FN1: variants seen among roughly 807,000 people sequenced by gnomAD.
FN1 encodes fibronectin 1.
FN1 carries 106 observed loss-of-function variants against 297.3 expected under a neutral mutation model. That is an observed-to-expected ratio of 0.36 (90% CI 0.30 to 0.42). The LOEUF is 0.42. Ranked by LOEUF, FN1 falls within the 10% of genes least tolerant of loss-of-function variation. The probability of loss-of-function intolerance (pLI) is 1.00; values close to 1 mark genes in which losing one functional copy is unlikely to be tolerated. For synonymous variants in FN1, 1,149 were observed against 1,152.6 expected (o/e 1.00, Z 0.06); for missense variants, 2,690 against 3,124.9 (o/e 0.86, Z 3.32).
rs2060503647 is a variant in FN1, at chr2:215,397,956, GCA to G, written c.3349-110_3349-109del. ...AAATAGTGTAAACTCTTCAGAAACT[GCA>G]CAGTGTACTTTTATTGGGAAATGAT... On this transcript the variant is annotated intron_variant, in intron 21 of 45. Transcript: ENST00000354785. The G allele has an allele frequency of 6.3e-6, 6 of 945,242 alleles. No homozygotes were observed. In the South Asian group the frequency reaches 6.7e-5, roughly 11 times the overall value. 58.6% of individuals were successfully genotyped at this position (945,242 alleles called of 1,614,324 possible).
chr2:215,391,621 C>G lies in FN1; in HGVS notation c.4252+11G>C, dbSNP rs10498038. 82,177 of 1,606,112 alleles carry G rather than the reference C, an allele frequency of 0.051. 2,490 individuals are homozygous for G. Among genetic ancestry groups the G allele is most frequent in the Non-Finnish European group, 0.061 (72,035 of 1,172,734 alleles). ...TTAATATTTATGGAACAGATACATT[C>G]AACTGCTTACTTGTTAAGACCACTG... On this transcript the variant is annotated intron_variant, in intron 26 of 45. Transcript: ENST00000354785.
At chr2:215,383,606 C>T (rs1575405297) in intron 30 of FN1, 123 bp from the exon 31 acceptor site, 1 of 1,051,004 alleles carries the variant, frequency 9.5e-7, no homozygotes, top group Admixed American at 1.8e-5. Context: ...GGTATTTCTT[C>T]TCGAAAGAAT....
At chr2:215,411,328 G>A (rs2062591689) in intron 13 of FN1, among the ~76,000 whole-genome samples, 1 of 152,140 alleles carries the variant, frequency 6.6e-6, no homozygotes, top group Non-Finnish European at 1.5e-5. Flanking sequence ...TGTGCCCAGT[G>A]ATTTTTAAAA....
chr2:215,395,454 G>A (rs975921122), intron 23 of FN1, among the ~76,000 whole-genome samples: 3 of 151,662 alleles, frequency 2.0e-5, no homozygotes, highest in Non-Finnish European at 4.4e-5. Context: ...CACGAGAATC[G>A]CTTGAGCCCA....
chr2:215,428,164 T>C lies in FN1; in HGVS notation c.844+16A>G. 1 of 1,613,730 alleles carries C rather than the reference T, an allele frequency of 6.2e-7. No individual in the cohort carries two copies. The highest frequency in any genetic ancestry group is 1.1e-5 in the South Asian group (1 of 91,066). ...CTGCTTCCCCATTTCCCGCCCCTGC[T>C]CGTCCTGTGCCTCACCGCTCGATGT... On this transcript the variant is annotated intron_variant, in intron 6 of 45. Transcript: ENST00000354785.
intron 26 of FN1, 148 bp downstream of exon 26, chr2:215,391,481 CAAA>C: frequency 1.5e-6 from 1 of 682,970 alleles, no homozygotes; most frequent in Non-Finnish European, 2.6e-6. Flanking sequence ...TTACATCTTT[CAAA>C]ATTAATGGAG....
At chr2:215,412,760 C>CTTTTTGTTTTT (rs2062845613) in intron 13 of FN1, among the ~76,000 whole-genome samples, 1 of 97,570 alleles carries the variant, frequency 1.0e-5, no homozygotes, top group African/African-American at 4.3e-5. Context: ...TATTAAGTAT[C>CTTTTTGTTTTT]TTTTTTTTTT....
At chr2:215,383,884 G>C in intron 30 of FN1, 136 bp downstream of exon 30, 1 of 933,880 alleles carries the variant, frequency 1.1e-6, no homozygotes, top group Non-Finnish European at 1.7e-6. Context: ...TCTGTTCGCT[G>C]CAGGTGCTAG....
intron 40 of FN1, among the ~76,000 whole-genome samples, chr2:215,371,218 A>G (rs1013608519): frequency 3.3e-5 from 5 of 152,012 alleles, no homozygotes; most frequent in African/African-American, 1.2e-4. Flanking sequence ...CAGTGAGCCG[A>G]GATCACGCCA....
rs754529427 is a variant in FN1, at chr2:215,376,570, C to T, written c.5815G>A (p.Ala1939Thr). Reference sequence around the variant, plus strand: ...GGAGTCTGGCCATTGGCTGGAACGGCATCAACTTGGAAGCCAGTGATCGTC... The same window carrying T: ...GGAGTCTGGCCATTGGCTGGAACGGTATCAACTTGGAAGCCAGTGATCGTC... Reference protein sequence around the residue: ...TETITGFQVDAVPANGQTPIQ... With the variant: ...TETITGFQVDTVPANGQTPIQ... The change falls in exon 36 of 46, where the codon GCC becomes ACC. Residue 1939 changes from alanine to threonine, a missense_variant. By Grantham distance (58) the Ala-to-Thr change is moderately conservative. Transcript: ENST00000354785. 2 of 1,613,904 alleles carry T rather than the reference C, an allele frequency of 1.2e-6. No individual in the cohort carries two copies. Among genetic ancestry groups the T allele is most frequent in the South Asian group, 2.2e-5 (2 of 91,072 alleles).
intron 24 of FN1, chr2:215,393,853 C>T (rs1395100093): frequency 6.5e-6 from 1 of 153,756 alleles, no homozygotes; most frequent in Non-Finnish European, 1.4e-5. Context: ...TAAAAGCATT[C>T]TACTGAAGAG....
Position 215,388,253 on chromosome 2 carries a change from T to A in FN1, c.4301A>T (p.Glu1434Val), listed in dbSNP as rs1464139605. Reference sequence around the variant, plus strand: ...TCTAAGAGGTGTGCTCTCATGTTGTTCGTAGACACTGGAGACACTCACTAC... The same window carrying A: ...TCTAAGAGGTGTGCTCTCATGTTGTACGTAGACACTGGAGACACTCACTAC... ...EYVVSVSSVY[E>V]QHESTPLRGR... Residue 1434 changes from glutamate to valine, a missense_variant, in exon 27 of 46, where the codon GAA (glutamate) becomes GTA (valine). Around this residue, in one of 3 missense-constraint regions of FN1, gnomAD observed 1,743 missense variants for 1,945.2 expected, o/e 0.90. Transcript: ENST00000354785. The A allele has an allele frequency of 1.2e-6, 2 of 1,614,084 alleles. No individual in the cohort carries two copies.
chr2:215,375,112 G>A (rs934809109), intron 38 of FN1, 102 bp downstream of exon 38: 9 of 1,181,082 alleles, frequency 7.6e-6, no homozygotes, highest in African/African-American at 3.0e-5. Context: ...ACAGAGTTTC[G>A]CATTCTCATG....
intron 34 of FN1, among the ~76,000 whole-genome samples, 182 bp downstream of exon 34, chr2:215,378,948 T>G (rs574534187): frequency 3.9e-5 from 6 of 152,282 alleles, no homozygotes; most frequent in African/African-American, 1.2e-4. Context: ...TCTGTCCCAA[T>G]AGTCATCTGG....
At position 215,373,401 on chromosome 2, in the gene FN1, C is replaced by T. The variant is rs142087146; in HGVS notation, c.6168G>A (p.Pro2056=). The T allele has an allele frequency of 1.7e-4, 275 of 1,612,396 alleles. No homozygotes were observed. The highest frequency in any genetic ancestry group is 2.1e-4 in the Non-Finnish European group (249 of 1,178,936). The change falls in exon 39 of 46, where the codon CCG becomes CCA. Residue 2056 remains proline (P), a synonymous_variant. Coordinates refer to ENST00000354785, the MANE Select transcript of FN1 (RefSeq NM_212482.4). ...VTEATITGLE[P]GTEYTIYVIA... is the part of the protein sequence containing the mutation. ...TGACATAAATTGTATATTCGGTTCC[C>T]GGTTCCAGGCCTGAAGGGAGAATAG...
At chr2:215,426,143 C>CTT (rs58002948) in intron 6 of FN1, among the ~76,000 whole-genome samples, 10 of 101,074 alleles carry the variant, frequency 9.9e-5, no homozygotes, top group African/African-American at 1.4e-4. Flanking sequence ...TTTCTTTTTT[C>CTT]TTTTTTTTTT....
chr2:215,396,230 A>C (rs1425350690), intron 23 of FN1, among the ~76,000 whole-genome samples: 2 of 152,220 alleles, frequency 1.3e-5, no homozygotes, highest in African/African-American at 4.8e-5. Context: ...CAAGTATATG[A>C]GGTAAGAATG....
intron 33 of FN1, chr2:215,380,295 G>T (rs1421789053): frequency 6.0e-6 from 1 of 167,708 alleles, no homozygotes; most frequent in Non-Finnish European, 1.3e-5. Context: ...AGAAGATAAA[G>T]TATTATGGAA....
chr2:215,377,780 A>C (rs2057569864), intron 35 of FN1, among the ~76,000 whole-genome samples: 1 of 152,202 alleles, frequency 6.6e-6, no homozygotes, highest in Admixed American at 6.5e-5. Flanking sequence ...AGTAGAGCAT[A>C]AACTAGATGT....
Sources: gnomAD v4.1 joint callset for allele counts (sites outside exome capture counted in the v4.1 genomes callset) on GRCh38, gnomAD v4.1.1 for gene constraint, gnomAD v4.1.1 regional missense constraint, MANE v1.5 for transcripts, NCBI Gene and HGNC (gene_info 2026-07-23, HGNC 2026-07-21) for gene names.